The following PDK1 variants were observed in gnomAD, a reference collection of about 807,000 sequenced individuals.
PDK1 encodes pyruvate dehydrogenase kinase 1, also known as [Pyruvate dehydrogenase (acetyl-transferring)] kinase isozyme 1, mitochondrial.
A neutral mutation model predicts 54.2 loss-of-function variants in PDK1; 39 were observed. The ratio of observed to expected loss-of-function variants is 0.72; its 90% CI spans 0.56 to 0.94. The LOEUF (loss-of-function observed/expected upper bound fraction) is 0.94, where lower values mean the gene tolerates loss of function less well. PDK1 is among the 40% of genes least tolerant of loss of function. The pLI is 0.00. For missense variants in PDK1, 552 were observed against 566.0 expected, an observed-to-expected ratio of 0.98 and a Z score of 0.25; for synonymous variants, 221 against 207.1, an observed-to-expected ratio of 1.07 and a Z score of -0.58.
At chr2:172,579,936 G>A (rs1029542444) in intron 8 of PDK1, among the ~76,000 whole-genome samples, 3 of 151,764 alleles carry the variant, frequency 2.0e-5, no homozygotes, top group African/African-American at 7.3e-5. Context: ...TATTCTGTGA[G>A]ATTTCCTTGA....
rs1436810101 is a variant in PDK1 at position 172,598,039 on chromosome 2, C to A, written c.*2070C>A. ...ACCAAATGTTGGGAAAAATGTCTCA[C>A]CTAACCCACTATTCCTTAATTATGG... On this transcript the variant is annotated 3_prime_UTR_variant, in exon 11 of 11. Coordinates refer to ENST00000282077, the MANE Select transcript of PDK1 (RefSeq NM_002610.5). The A allele has an allele frequency of 6.6e-6, 1 of 152,112 alleles. No homozygotes were observed. Among genetic ancestry groups the A allele is most frequent in the African/African-American group, 2.4e-5 (1 of 41,430 alleles). 9.4% of individuals were successfully genotyped at this position (152,112 alleles called of 1,614,324 possible).
At chr2:172,585,315 A>ATTTT (rs1217712286) in intron 8 of PDK1, among the ~76,000 whole-genome samples, 2 of 117,150 alleles carry the variant, frequency 1.7e-5, no homozygotes, top group African/African-American at 8.4e-5. Flanking sequence ...ATGCATTTTT[A>ATTTT]ATTTTTTTTT....
chr2:172,633,647 C>A, the PDK1 span, among the ~76,000 whole-genome samples: 1 of 150,762 alleles, frequency 6.6e-6, no homozygotes, highest in African/African-American at 2.4e-5. Context: ...TGCAGATGAA[C>A]AAATATTGAC....
At chr2:172,657,068 C>T in the PDK1 span, among the ~76,000 whole-genome samples, 1 of 152,150 alleles carries the variant, frequency 6.6e-6, no homozygotes, top group African/African-American at 2.4e-5. Flanking sequence ...GGCTTCTGTT[C>T]TTGGTAAGTT....
At chr2:172,665,332 A>G in the PDK1 span, among the ~76,000 whole-genome samples, 2 of 152,086 alleles carry the variant, frequency 1.3e-5, no homozygotes, top group South Asian at 2.1e-4. Context: ...ATCCTTCACA[A>G]GCTTCCCTAT....
the PDK1 span, among the ~76,000 whole-genome samples, chr2:172,717,669 G>T: frequency 6.6e-6 from 1 of 152,046 alleles, no homozygotes; most frequent in Non-Finnish European, 1.5e-5. Context: ...CTCACCTCCC[G>T]AATAAATTGT....
the PDK1 span, among the ~76,000 whole-genome samples, chr2:172,635,081 C>T: frequency 6.6e-6 from 1 of 152,062 alleles, no homozygotes; most frequent in Admixed American, 6.6e-5. Context: ...GTGTTTAAGT[C>T]TACAATATCA....
chr2:172,690,045 C>A, the PDK1 span, among the ~76,000 whole-genome samples: 1 of 150,252 alleles, frequency 6.7e-6, no homozygotes, highest in African/African-American at 2.4e-5. Flanking sequence ...AAAGAAACTA[C>A]CTTCAGAGTG....
At chr2:172,680,302 A>G in the PDK1 span, among the ~76,000 whole-genome samples, 2 of 152,166 alleles carry the variant, frequency 1.3e-5, no homozygotes, top group African/African-American at 2.4e-5. Flanking sequence ...TGGATGCTCA[A>G]TCAATATTTA....
rs760246104 is a variant in PDK1 at position 172,586,315 on chromosome 2, T to C, written c.983T>C (p.Ile328Thr). 6.8e-6 allele frequency: 11 copies of C among 1,613,316 alleles called. No individual in the cohort carries two copies. The highest frequency in any genetic ancestry group is 1.1e-5 in the South Asian group (1 of 91,074). Residue 328 changes from isoleucine (I) to threonine (T), a missense_variant, in exon 9 of 11, where the codon ATT (isoleucine) becomes ACT (threonine). Ile to Thr is a moderately conservative substitution (Grantham distance 89). Transcript: ENST00000282077. ...GGAGGTGGCGTTCCTTTGAGGAAAATTGACAGACTTTTCAACTACATGTAT... is the reference window on the plus strand; with the variant it reads ...GGAGGTGGCGTTCCTTTGAGGAAAACTGACAGACTTTTCAACTACATGTAT... ...DRGGGVPLRK[I>T]DRLFNYMYST...
the PDK1 span, among the ~76,000 whole-genome samples, chr2:172,711,969 T>C: frequency 6.6e-6 from 1 of 151,720 alleles, no homozygotes; most frequent in Admixed American, 6.6e-5. Context: ...CTTATATTTT[T>C]GTTGTTGTTA....
chr2:172,557,574 G>A lies in PDK1; in HGVS notation c.197-1134G>A, dbSNP rs1262476066. On this transcript the variant is annotated intron_variant, in intron 1 of 10. Coordinates refer to ENST00000282077, the MANE Select transcript of PDK1 (RefSeq NM_002610.5). ...ACAGGCAGTGGTGAATTTTGCTGTT[G>A]CTTGAAAGCTTTCCTCTGCACTTAC... Among the ~76,000 whole-genome samples the A allele has an allele frequency of 2.0e-5, 3 of 151,534 alleles. No homozygotes were observed. The East Asian group carries it at 5.8e-4, about 29-fold the overall frequency.
intron 1 of PDK1, chr2:172,556,644 GC>G (rs1465080264): frequency 3.5e-6 from 1 of 289,346 alleles, no homozygotes; most frequent in East Asian, 6.0e-5. Context: ...GCTAGGCCAG[GC>G]CCCTTCCAAG....
chr2:172,621,596 G>GATATATGTTTATATATC, the PDK1 span, among the ~76,000 whole-genome samples: 4 of 139,548 alleles, frequency 2.9e-5, no homozygotes, highest in Non-Finnish European at 6.1e-5. Context: ...GTTTATATAT[G>GATATATGTTTATATATC]ATATATGTTT....
intron 8 of PDK1, among the ~76,000 whole-genome samples, chr2:172,583,286 T>G (rs925948908): frequency 5.0e-5 from 6 of 120,892 alleles, no homozygotes; most frequent in Non-Finnish European, 6.6e-5. Flanking sequence ...TTCTGGTTTT[T>G]TTTTTTTTTT....
At chr2:172,621,842 GTATGATACATGTTTA>G in the PDK1 span, among the ~76,000 whole-genome samples, 1 of 111,592 alleles carries the variant, frequency 9.0e-6, no homozygotes, top group African/African-American at 3.2e-5. Flanking sequence ...TATCTCATAT[GTATGATACATGTTTA>G]TATCTCATAT....
At chr2:172,583,280 G>GTTTTTTT (rs1401815533) in intron 8 of PDK1, among the ~76,000 whole-genome samples, 11 of 93,910 alleles carry the variant, frequency 1.2e-4, no homozygotes, top group Non-Finnish European at 2.3e-4. Flanking sequence ...AAAGTTTTCT[G>GTTTTTTT]GTTTTTTTTT....
chr2:172,617,776 C>A, the PDK1 span, among the ~76,000 whole-genome samples: 9 of 152,214 alleles, frequency 5.9e-5, no homozygotes, highest in South Asian at 1.9e-3. Flanking sequence ...AACCTCTGAA[C>A]TTTTTTAATT....
At chr2:172,638,461 G>A in the PDK1 span, among the ~76,000 whole-genome samples, 3 of 152,238 alleles carry the variant, frequency 2.0e-5, no homozygotes, top group East Asian at 3.9e-4. Context: ...AAATATTAAC[G>A]TGTAGAAAAT....
Sources: allele counts gnomAD v4.1 joint callset (sites outside exome capture counted in the v4.1 genomes callset), GRCh38; gene constraint gnomAD v4.1.1; transcripts MANE v1.5; gene names NCBI Gene and HGNC (gene_info 2026-07-23, HGNC 2026-07-21).